Variants in SAFB2 observed in about 807,000 individuals in gnomAD.
SAFB2 encodes the protein scaffold attachment factor B2.
In SAFB2, 32 loss-of-function variants were observed where a neutral mutation model predicts 100.6. The observed-to-expected ratio is 0.32, with a 90% CI of 0.24 to 0.43. The LOEUF (loss-of-function observed/expected upper bound fraction) is 0.43. SAFB2 is among the 20% of genes least tolerant of loss of function. The probability of loss-of-function intolerance (pLI) is 1.00; values close to 1 mark genes in which losing one functional copy is unlikely to be tolerated. For synonymous variants in SAFB2, 500 were observed against 439.4 expected (o/e 1.14, Z -1.72); for missense variants, 1,185 against 1,163.4 (o/e 1.02, Z -0.27).
intron 17 of SAFB2, chr19:5,591,379 A>C (rs1261184031): frequency 5.8e-6 from 1 of 171,494 alleles, no homozygotes. Context: ...CCCGGGTTCA[A>C]GCGATTCTCC....
At position 5,600,163 on chromosome 19, in the gene SAFB2, C is replaced by T. The variant is rs147832323; in HGVS notation, c.1657G>A (p.Gly553Arg). Residue 553 changes from glycine (G) to arginine (R), a missense_variant, in exon 12 of 21, where the codon GGA becomes AGA. Gly to Arg is a moderately radical substitution (Grantham distance 125). Transcript: ENST00000252542. ...GTGACTCTAGACCGATTTGTAGGTC[C>T]GGGTTTCAGCTCATCCTGGTCTTTT... ...EEKDQDELKPGPTNRSRVTKS... is the reference protein window; with the variant it reads ...EEKDQDELKPRPTNRSRVTKS... 17 of 1,614,112 alleles carry T rather than the reference C, an allele frequency of 1.1e-5. No individual in the cohort carries two copies. Among genetic ancestry groups the T allele is most frequent in the Middle Eastern group, 1.6e-4 (1 of 6,062 alleles).
chr19:5,618,791 C>A (rs770062134), intron 2 of SAFB2, among the ~76,000 whole-genome samples: 5 of 152,256 alleles, frequency 3.3e-5, no homozygotes, highest in Admixed American at 1.3e-4. Context: ...ACGCCCCAAT[C>A]CCCGGCACCT....
chr19:5,612,197 T>A, intron 6 of SAFB2: 1 of 380,976 alleles, frequency 2.6e-6, no homozygotes. Context: ...CTTAACTGCG[T>A]TAATCAAAAT....
In SAFB2 at chr19:5,587,784, G is replaced by C; in HGVS notation, c.2639-17C>G. The C allele has an allele frequency of 6.4e-7, 1 of 1,553,648 alleles. No individual in the cohort carries two copies. Among genetic ancestry groups the C allele is most frequent in the Non-Finnish European group, 8.7e-7 (1 of 1,148,314 alleles). Reference sequence around the variant, plus strand: ...TCTCGCCACCTAGAAGAGAAGAAGGGTCTGCAAACACTCCGTTCCTGGGGA... The same window carrying C: ...TCTCGCCACCTAGAAGAGAAGAAGGCTCTGCAAACACTCCGTTCCTGGGGA... On this transcript the variant is annotated splice_polypyrimidine_tract_variant and intron_variant, in intron 19 of 20. Transcript: ENST00000252542. The surrounding 1 kb of genome is among the most constrained non-coding windows in gnomAD (Gnocchi z 4.9).
In SAFB2 at chr19:5,594,016, C is replaced by T; in HGVS notation, c.2082G>A (p.Val694=). ...CCTGCTCCTTCCTGCGCTCACGCTC[C>T]ACGCGCATGCGCTCGCGCTCCAGCC... ...RERLERERMR[V]ERERRKEQER... is the part of the protein sequence containing the mutation. The change falls in exon 15 of 21, where the codon GTG becomes GTA. Residue 694 remains valine (V), a synonymous_variant. Coordinates refer to ENST00000252542, the MANE Select transcript of SAFB2 (RefSeq NM_014649.3). The T allele has an allele frequency of 1.3e-6, 2 of 1,565,236 alleles. No individual in the cohort carries two copies. The highest frequency in any genetic ancestry group is 1.3e-5 in the African/African-American group (1 of 74,176).
At chr19:5,595,580 C>CT in intron 13 of SAFB2, 83 bp from the exon 14 acceptor site, 1 of 1,493,178 alleles carries the variant, frequency 6.7e-7, no homozygotes, top group Non-Finnish European at 9.1e-7. Context: ...GTGCATGAGA[C>CT]TAAGATTCTC....
chr19:5,621,975 G>C (rs2053163177), intron 1 of SAFB2, among the ~76,000 whole-genome samples: 1 of 152,254 alleles, frequency 6.6e-6, no homozygotes, highest in Admixed American at 6.5e-5. Context: ...GGATGAGCTG[G>C]CAAGGAGGTG....
intron 9 of SAFB2, among the ~76,000 whole-genome samples, chr19:5,608,141 C>T (rs2052817402): frequency 6.6e-6 from 1 of 152,144 alleles, no homozygotes; most frequent in African/African-American, 2.4e-5. Context: ...TTCCTACGTC[C>T]TTCTGTTTTT....
At chr19:5,595,250 C>T (rs2052511455) in intron 14 of SAFB2, 111 bp downstream of exon 14, 2 of 1,415,412 alleles carry the variant, frequency 1.4e-6, no homozygotes, top group Admixed American at 2.1e-5. Context: ...ACCCGCCAGC[C>T]CAGGCACTGG....
rs760796529 is a variant in SAFB2 at position 5,592,881 on chromosome 19, A to G, written c.2214T>C (p.Asp738=). The G allele has an allele frequency of 1.2e-6, 2 of 1,613,988 alleles. No homozygotes were observed. The highest frequency in any genetic ancestry group is 2.2e-5 in the East Asian group (1 of 44,864). Residue 738 remains aspartate (D), a synonymous_variant, in exon 16 of 21, where the codon GAT becomes GAC. Coordinates refer to ENST00000252542, the MANE Select transcript of SAFB2 (RefSeq NM_014649.3). ...GRRPYDLDRR[D]DAYWPEGKRV... Reference sequence around the variant, plus strand: ...GCTTTCCTTCTGGCCAATAGGCATCATCTCGTCTGTTGGTTTTTATTTTAA... The same window carrying G: ...GCTTTCCTTCTGGCCAATAGGCATCGTCTCGTCTGTTGGTTTTTATTTTAA...
At chr19:5,596,528 GA>G (rs1454584840) in intron 13 of SAFB2, among the ~76,000 whole-genome samples, 1 of 152,118 alleles carries the variant, frequency 6.6e-6, no homozygotes, top group Non-Finnish European at 1.5e-5. Context: ...TATTTTTGTA[GA>G]GACAGGGTTT....
At chr19:5,593,759 A>G in intron 15 of SAFB2, 132 bp downstream of exon 15, 1 of 1,007,788 alleles carries the variant, frequency 9.9e-7, no homozygotes, top group Non-Finnish European at 1.4e-6. Context: ...GGGGGTCCCC[A>G]AGGCGCATGC....
intron 13 of SAFB2, among the ~76,000 whole-genome samples, chr19:5,597,986 C>A (rs755935870): frequency 3.3e-5 from 5 of 151,750 alleles, no homozygotes; most frequent in Admixed American, 2.0e-4. Flanking sequence ...AAAAATTAGC[C>A]TGGTGTGGTG....
At chr19:5,621,685 G>C (rs2053152681) in intron 1 of SAFB2, among the ~76,000 whole-genome samples, 5 of 152,302 alleles carry the variant, frequency 3.3e-5, no homozygotes, top group South Asian at 4.1e-4. Flanking sequence ...CCAAACCTTC[G>C]ACTTTAAAGT....
At chr19:5,594,721 T>TA (rs1452684600) in intron 14 of SAFB2, among the ~76,000 whole-genome samples, 34 of 152,080 alleles carry the variant, frequency 2.2e-4, no homozygotes, top group African/African-American at 8.2e-4. Context: ...GGGGCGAAAA[T>TA]AGACTTTGAG....
At chr19:5,607,372 G>T (rs759360783) in intron 9 of SAFB2, among the ~76,000 whole-genome samples, 10 of 152,056 alleles carry the variant, frequency 6.6e-5, no homozygotes, top group Non-Finnish European at 1.3e-4. Context: ...TTCTTAAAGA[G>T]AAGTAAACCG....
chr19:5,612,032 A>C (rs1430449306), intron 6 of SAFB2: 1 of 352,674 alleles, frequency 2.8e-6, no homozygotes, highest in African/African-American at 2.1e-5. Flanking sequence ...AGAACAATCC[A>C]ATATGAAAAT....
chr19:5,617,593 G>C (rs538533257), intron 2 of SAFB2, among the ~76,000 whole-genome samples: 3 of 152,234 alleles, frequency 2.0e-5, no homozygotes, highest in African/African-American at 7.2e-5. Flanking sequence ...TTCAGATATG[G>C]TTCACAACCG....
intron 4 of SAFB2, among the ~76,000 whole-genome samples, chr19:5,615,243 T>A (rs555681949): frequency 4.0e-5 from 6 of 151,582 alleles, no homozygotes; most frequent in African/African-American, 1.5e-4. Flanking sequence ...TGGTCCCAGC[T>A]CCTCAGGAGG....
Sources: gnomAD v4.1 joint callset for allele counts (sites outside exome capture counted in the v4.1 genomes callset) on GRCh38, gnomAD v4.1.1 for gene constraint, Gnocchi (gnomAD v3.1) non-coding constraint, MANE v1.5 for transcripts, NCBI Gene and HGNC (gene_info 2026-07-23, HGNC 2026-07-21) for gene names.